The following FCHO1 variants were observed in gnomAD, a reference collection of about 807,000 sequenced individuals.
FCHO1 encodes F-BAR domain only protein 1.
In FCHO1, 45 loss-of-function variants were observed where a neutral mutation model predicts 114.4. The ratio of observed to expected loss-of-function variants is 0.39; its 90% CI spans 0.31 to 0.50. The LOEUF (loss-of-function observed/expected upper bound fraction) is 0.50. Ranked by LOEUF, FCHO1 falls within the 20% of genes least tolerant of loss-of-function variation. The probability of loss-of-function intolerance (pLI) is 0.77; values close to 1 mark genes in which losing one functional copy is unlikely to be tolerated. For missense variants in FCHO1, 1,042 were observed against 1,209.6 expected, an observed-to-expected ratio of 0.86 and a Z score of 2.06; for synonymous variants, 480 against 488.9, an observed-to-expected ratio of 0.98 and a Z score of 0.24.
chr19:17,762,000 T>TTCATTC (rs1568326618), intron 4 of FCHO1, among the ~76,000 whole-genome samples: 11 of 99,920 alleles, frequency 1.1e-4, no homozygotes, highest in African/African-American at 3.7e-4. Context: ...TTCATTCATT[T>TTCATTC]ATTTTGAGAC....
At chr19:17,774,641 C>G (rs2147088481) in intron 13 of FCHO1, 163 bp downstream of exon 13, 1 of 618,350 alleles carries the variant, frequency 1.6e-6, no homozygotes, top group East Asian at 2.8e-5. Flanking sequence ...ACCTCTGCCC[C>G]CGGCTAGCTC....
chr19:17,787,930 T>C, intron 28 of FCHO1, 84 bp downstream of exon 28: 1 of 1,467,348 alleles, frequency 6.8e-7, no homozygotes, highest in Non-Finnish European at 9.2e-7. Flanking sequence ...GGGATTGGGG[T>C]GTGGGGATCC....
intron 7 of FCHO1, 150 bp from the exon 8 acceptor site, chr19:17,770,275 T>C: frequency 1.4e-6 from 1 of 710,190 alleles, no homozygotes; most frequent in South Asian, 2.4e-5. Flanking sequence ...CACTCCAGCC[T>C]GGACAACAAG....
Position 17,775,352 on chromosome 19 carries a change from G to A in FCHO1, c.946-104G>A. The stretch of plus-strand genomic sequence containing the variant: ...CGTTGCCATCAGGGTTGGTTTTGAG[G>A]TCTGAGTCAAGGCCTGGGGGCAGGG... On this transcript the variant is annotated intron_variant, in intron 14 of 28. Coordinates refer to ENST00000596536, the MANE Select transcript of FCHO1 (RefSeq NM_015122.3). The surrounding 1 kb of genome is among the most constrained non-coding windows in gnomAD (Gnocchi z 5.1). 1 of 1,238,180 alleles carries A rather than the reference G, an allele frequency of 8.1e-7. No individual in the cohort carries two copies. The highest frequency in any genetic ancestry group is 1.2e-5 in the South Asian group (1 of 82,666). 76.7% of individuals were successfully genotyped at this position (1,238,180 alleles called of 1,614,324 possible). A position where few individuals can be genotyped will look rare whatever the true frequency, so the allele number is the denominator to read the frequency against.
chr19:17,768,953 A>C (rs1039411288), intron 7 of FCHO1, among the ~76,000 whole-genome samples: 4 of 148,534 alleles, frequency 2.7e-5, no homozygotes, highest in African/African-American at 7.5e-5. Context: ...GTTAGAGACC[A>C]GTTTGGGCAA....
rs749569094 is a variant in FCHO1 at position 17,772,540 on chromosome 19, C to G, written c.678C>G (p.His226Gln). The G allele has an allele frequency of 6.2e-7, 1 of 1,614,120 alleles. No homozygotes were observed. Among genetic ancestry groups the G allele is most frequent in the South Asian group, 1.1e-5 (1 of 91,078 alleles). ...GSYAHSVEDT[H>Q]VQIGQVHEEF... is the part of the protein sequence containing the mutation. The stretch of plus-strand genomic sequence containing the variant: ...ATGCTCACTCGGTGGAGGACACGCA[C>G]GTGCAGATTGGGCAGGTGAGTTGGG... Residue 226 changes from histidine to glutamine, a missense_variant, in exon 10 of 29, where the codon CAC (histidine) becomes CAG (glutamine). This residue lies in a region of FCHO1 where 450 missense variants were observed against 564.1 expected (regional missense o/e 0.80). Coordinates refer to ENST00000596536, the MANE Select transcript of FCHO1 (RefSeq NM_015122.3).
In FCHO1 at chr19:17,785,593, G is replaced by A. The variant is rs575645268; in HGVS notation, c.2426+669G>A. On this transcript the variant is annotated intron_variant, in intron 26 of 28. Coordinates refer to ENST00000596536, the MANE Select transcript of FCHO1 (RefSeq NM_015122.3). ...TCACACCTGCAATCCCAGCACTTTG[G>A]GAGGCCGAGATGGGCAGATCACGAG... 3.3e-5 allele frequency among the ~76,000 whole-genome samples: 5 copies of A among 152,144 alleles called. No individual in the cohort carries two copies. The South Asian group carries it at 8.3e-4, about 25-fold the overall frequency.
At position 17,781,357 on chromosome 19, in the gene FCHO1, C is replaced by T. The variant is rs75572373; in HGVS notation, c.1740+14C>T. Reference sequence around the variant, plus strand: ...AATGGGGACCTGGTAGGTGAGGGGGCGTGGCAGGAGCTGGACTGGGGGTCG... The same window carrying T: ...AATGGGGACCTGGTAGGTGAGGGGGTGTGGCAGGAGCTGGACTGGGGGTCG... On this transcript the variant is annotated intron_variant, in intron 21 of 28. Coordinates refer to ENST00000596536, the MANE Select transcript of FCHO1 (RefSeq NM_015122.3). The T allele has an allele frequency of 2.8e-5, 45 of 1,610,006 alleles. No individual in the cohort carries two copies. Among genetic ancestry groups the T allele is most frequent in the African/African-American group, 2.5e-4 (19 of 74,932 alleles).
In FCHO1 at chr19:17,776,234, A is replaced by T. The variant is rs1268169386; in HGVS notation, c.1183-13A>T. 6.2e-7 allele frequency: 1 copy of T among 1,614,020 alleles called. No individual in the cohort carries two copies. The highest frequency in any genetic ancestry group is 8.5e-7 in the Non-Finnish European group (1 of 1,179,978). ...GATGCATTCGTGTGTGATGTTGCCC[A>T]CTTTGTCCACAGGGCACCATGAAAC... is the stretch of plus-strand genomic sequence containing the variant. On this transcript the variant is annotated splice_polypyrimidine_tract_variant and intron_variant, in intron 16 of 28. Transcript: ENST00000596536. The surrounding 1 kb of genome is among the most constrained non-coding windows in gnomAD (Gnocchi z 4.4).
At chr19:17,755,323 T>A in intron 4 of FCHO1, 132 bp downstream of exon 4, 1 of 840,482 alleles carries the variant, frequency 1.2e-6, no homozygotes, top group Non-Finnish European at 1.9e-6. Flanking sequence ...GAAGTTAAAG[T>A]GGGAAGAGTC....
Position 17,781,483 on chromosome 19 carries a change from C to T in FCHO1, c.1772C>T (p.Ser591Phe). The T allele has an allele frequency of 6.2e-7, 1 of 1,614,072 alleles. No homozygotes were observed. The highest frequency in any genetic ancestry group is 1.1e-5 in the South Asian group (1 of 91,082). ...TCCCTGAGCCCCTCCCCACTGGGCT[C>T]TTCAGCCGCCAGCACTGCCTTGGAA... Reference protein sequence around the residue: ...SRSLSPSPLGSSAASTALERP... With the variant: ...SRSLSPSPLGFSAASTALERP... Residue 591 changes from serine to phenylalanine, a missense_variant, in exon 22 of 29, where the codon TCT becomes TTT. Ser to Phe is a radical substitution (Grantham distance 155). Around this residue, in one of 3 missense-constraint regions of FCHO1, gnomAD observed 455 missense variants for 455.4 expected, o/e 1.00. Transcript: ENST00000596536.
chr19:17,760,346 C>T (rs549269668), intron 4 of FCHO1, among the ~76,000 whole-genome samples: 74 of 151,772 alleles, frequency 4.9e-4, no homozygotes, highest in Non-Finnish European at 9.1e-4. Flanking sequence ...GCACCGCGCC[C>T]GGCCTGATTA....
intron 3 of FCHO1, 140 bp from the exon 4 acceptor site, chr19:17,754,978 G>T: frequency 1.5e-6 from 1 of 670,910 alleles, no homozygotes. Context: ...AATTATCTCA[G>T]GGGTCCTGGC....
rs1252941078 is a variant in FCHO1 at position 17,778,191 on chromosome 19, G to A, written c.1314G>A (p.Pro438=). Residue 438 remains proline, a synonymous_variant, in exon 19 of 29, where the codon CCG becomes CCA. Coordinates refer to ENST00000596536, the MANE Select transcript of FCHO1 (RefSeq NM_015122.3). ...EEQVSKNLFG[P]PLESAFDHED... ...AGGTGTCCAAGAACCTCTTTGGGCC[G>A]CCCCTGGAGTCAGCCTTTGACCACG... 13 of 1,613,884 alleles carry A rather than the reference G, an allele frequency of 8.1e-6. No individual in the cohort carries two copies. The highest frequency in any genetic ancestry group is 1.0e-5 in the Non-Finnish European group (12 of 1,179,938).
chr19:17,784,127 G>C lies in FCHO1; in HGVS notation c.2118G>C (p.Glu706Asp), dbSNP rs1432786515. The C allele has an allele frequency of 6.2e-7, 1 of 1,614,138 alleles. No homozygotes were observed. The highest frequency in any genetic ancestry group is 2.2e-5 in the East Asian group (1 of 44,882). Residue 706 changes from glutamate to aspartate, a missense_variant, in exon 25 of 29, where the codon GAG becomes GAC. Glu to Asp is a conservative substitution (Grantham distance 45, BLOSUM62 2). Coordinates refer to ENST00000596536, the MANE Select transcript of FCHO1 (RefSeq NM_015122.3). This position sits in a 1 kb window ranked among gnomAD's most constrained non-coding sequence, Gnocchi z 5.3. ...LFSDPSQSDP[E>D]TKDFWLNMAA... ...GTGACCCCTCCCAGAGTGACCCTGA[G>C]ACCAAAGACTTCTGGCTCAACATGG...
In FCHO1 at chr19:17,776,244, C is replaced by T. The variant is rs761209575; in HGVS notation, c.1183-3C>T. On this transcript the variant is annotated splice_polypyrimidine_tract_variant and splice_region_variant and intron_variant, in intron 16 of 28. Coordinates refer to ENST00000596536, the MANE Select transcript of FCHO1 (RefSeq NM_015122.3). This position sits in a 1 kb window ranked among gnomAD's most constrained non-coding sequence, Gnocchi z 4.4. ...TGTGTGATGTTGCCCACTTTGTCCA[C>T]AGGGCACCATGAAACGCCATTCTTC... The T allele has an allele frequency of 1.5e-5, 25 of 1,613,992 alleles. No homozygotes were observed. Among genetic ancestry groups the T allele is most frequent in the Non-Finnish European group, 2.1e-5 (25 of 1,180,008 alleles).
chr19:17,750,827 CTTTT>C (rs56003373), upstream of FCHO1, among the ~76,000 whole-genome samples: 4 of 134,246 alleles, frequency 3.0e-5, no homozygotes, highest in Non-Finnish European at 3.2e-5. Context: ...CCTTTCTTTT[CTTTT>C]TTTTTTTTTT....
rs1157394224 is a variant in FCHO1, at chr19:17,778,766, C to A, written c.1509C>A (p.Pro503=). The part of the protein sequence containing the change: ...VPRPGTPQSP[P]SCRAPPPEAR... Reference sequence around the variant, plus strand: ...GCCCAGGCACCCCGCAGAGCCCGCCCAGCTGTAGGGCGCCACCCCCAGAGG... The same window carrying A: ...GCCCAGGCACCCCGCAGAGCCCGCCAAGCTGTAGGGCGCCACCCCCAGAGG... The change falls in exon 20 of 29, where the codon CCC becomes CCA. Residue 503 remains proline (P), a synonymous_variant. Coordinates refer to ENST00000596536, the MANE Select transcript of FCHO1 (RefSeq NM_015122.3). The A allele has an allele frequency of 6.5e-7, 1 of 1,538,866 alleles. No homozygotes were observed. Among genetic ancestry groups the A allele is most frequent in the Admixed American group, 2.0e-5 (1 of 51,152 alleles).
rs2093452412 is a variant in FCHO1, at chr19:17,781,951, G to A, written c.1937+131G>A. On this transcript the variant is annotated intron_variant, in intron 23 of 28. Transcript: ENST00000596536. ...CTTGAACACTGAGCCAAGTGACCAG[G>A]CCCCTGTCCTGAGGGCAGTGGAGCC... 11 of 583,618 alleles carry A rather than the reference G, an allele frequency of 1.9e-5. No individual in the cohort carries two copies. The Admixed American group carries it at 3.7e-4, about 20-fold the overall frequency. The allele number at this position is 583,618 out of a possible 1,614,324, so 36.2% of individuals were successfully genotyped here.
Sources: allele counts gnomAD v4.1 joint callset (sites outside exome capture counted in the v4.1 genomes callset), GRCh38; gene constraint gnomAD v4.1.1; regional missense constraint gnomAD v4.1.1; non-coding constraint Gnocchi (gnomAD v3.1); transcripts MANE v1.5; gene names NCBI Gene and HGNC (gene_info 2026-07-23, HGNC 2026-07-21).